ADGRV1: variants seen among roughly 807,000 people sequenced by gnomAD.
The protein encoded by ADGRV1 is adhesion G protein-coupled receptor V1.
A neutral mutation model predicts 596.2 loss-of-function variants in ADGRV1; 359 were observed. The observed-to-expected ratio is 0.60, with a 90% CI of 0.55 to 0.66. The LOEUF (loss-of-function observed/expected upper bound fraction) is 0.66. ADGRV1 is among the 30% of genes least tolerant of loss of function. The pLI is 0.00. For synonymous variants in ADGRV1, 2,681 were observed against 2,679.2 expected (o/e 1.00, Z -0.02); for missense variants, 7,274 against 7,575.6 (o/e 0.96, Z 1.48).
At chr5:90,712,914 G>A (rs1036606643) in intron 42 of ADGRV1, among the ~76,000 whole-genome samples, 1 of 152,062 alleles carries the variant, frequency 6.6e-6, no homozygotes, top group Non-Finnish European at 1.5e-5. Context: ...CGTAATTCTT[G>A]GTTGGAACAG....
chr5:90,829,982 CA>C (rs146088016), intron 77 of ADGRV1, among the ~76,000 whole-genome samples: 1,919 of 152,120 alleles, frequency 0.013, 42 homozygotes, highest in African/African-American at 0.044. Context: ...TTCAAGATTC[CA>C]AACCAGATGA....
At chr5:90,978,073 G>A (rs1562034680) in intron 84 of ADGRV1, among the ~76,000 whole-genome samples, 1 of 151,976 alleles carries the variant, frequency 6.6e-6, no homozygotes, top group Non-Finnish European at 1.5e-5. Flanking sequence ...GAGGTGGGGG[G>A]ATCATGAGGT....
intron 1 of ADGRV1, among the ~76,000 whole-genome samples, chr5:90,595,301 C>T (rs1760197970): frequency 1.7e-5 from 1 of 60,102 alleles, no homozygotes; most frequent in Admixed American, 1.4e-4. Context: ...CAGAGGCGCC[C>T]CTCACCTCCC....
At position 90,778,042 on chromosome 5, in the gene ADGRV1, AG is replaced by A; in HGVS notation, c.12666+1del. 1 of 1,560,248 alleles carries A rather than the reference AG, an allele frequency of 6.4e-7. No homozygotes were observed. The highest frequency in any genetic ancestry group is 8.7e-7 in the Non-Finnish European group (1 of 1,150,638). On this transcript the variant is annotated frameshift_variant and splice_region_variant, in exon 62 of 90. Coordinates refer to ENST00000405460, the MANE Select transcript of ADGRV1 (RefSeq NM_032119.4). LOFTEE classifies it high-confidence loss of function. ...DEQSAVIVVI[Q>X]ALNDDIPEEK... ...CAGTCTGCAGTCATTGTAGTAATAC[AG>A]GTATCAATATTAGCTGGTTTCTTTT...
In ADGRV1 at chr5:90,688,786, T is replaced by TA. The variant is rs144836480; in HGVS notation, c.6491-1075_6491-1074insA. Among the ~76,000 whole-genome samples, 1,099 of 152,348 alleles carry TA rather than the reference T, an allele frequency of 7.2e-3. 15 individuals are homozygous for TA. The highest frequency in any genetic ancestry group is 0.026 in the African/African-American group (1,061 of 41,586). On this transcript the variant is annotated intron_variant, in intron 29 of 89. Transcript: ENST00000405460. The stretch of plus-strand genomic sequence containing the variant: ...TTTCTCTGAGTGTACTCCTCATTTT[T>TA]GAAAGGGATTCACTTGTAAATGACT...
intron 83 of ADGRV1, among the ~76,000 whole-genome samples, chr5:90,949,050 T>TA (rs373576862): frequency 2.6e-5 from 4 of 151,866 alleles, no homozygotes; most frequent in South Asian, 2.1e-4. Flanking sequence ...TATACGACAA[T>TA]AAAAAAAGTG....
chr5:90,772,152 A>G (rs908574151), intron 59 of ADGRV1, among the ~76,000 whole-genome samples: 3 of 152,166 alleles, frequency 2.0e-5, no homozygotes, highest in African/African-American at 7.2e-5. Flanking sequence ...ACAGTAGCCA[A>G]TCCTTATCAT....
chr5:90,916,784 C>T (rs1773413653), intron 83 of ADGRV1, among the ~76,000 whole-genome samples: 2 of 145,012 alleles, frequency 1.4e-5, no homozygotes, highest in South Asian at 2.3e-4. Flanking sequence ...AGGCGCCCGC[C>T]ACTACGCCCG....
intron 21 of ADGRV1, among the ~76,000 whole-genome samples, chr5:90,668,618 T>G (rs961822145): frequency 5.3e-5 from 8 of 152,124 alleles, no homozygotes; most frequent in Middle Eastern, 3.4e-3. Flanking sequence ...TTCCTATTCG[T>G]CCATCTTGGC....
Position 90,615,024 on chromosome 5 carries a change from G to T in ADGRV1, c.207+5G>T. On this transcript the variant is annotated splice_donor_5th_base_variant and intron_variant, in intron 2 of 89. Transcript: ENST00000405460. The stretch of plus-strand genomic sequence containing the variant: ...AATGTTACTGCAATTGTATCGGTAA[G>T]AAATTATTATAGCTCTATTTTTACT... The T allele has an allele frequency of 7.1e-7, 1 of 1,402,036 alleles. No homozygotes were observed. The highest frequency in any genetic ancestry group is 2.6e-5 in the East Asian group (1 of 39,180). The allele number at this position is 1,402,036 out of a possible 1,614,324, so 86.8% of individuals were successfully genotyped here. A position where few individuals can be genotyped will look rare whatever the true frequency, so the allele number is the denominator to read the frequency against.
In ADGRV1 at chr5:90,881,760, T is replaced by A. The variant is rs189523162; in HGVS notation, c.17856+17903T>A. ...AAAAAAAAAATACAAGATCTTGCTC[T>A]ATTGGTCAGGCTGGAGTGCAGTGGT... On this transcript the variant is annotated intron_variant, in intron 83 of 89. Coordinates refer to ENST00000405460, the MANE Select transcript of ADGRV1 (RefSeq NM_032119.4). Among the ~76,000 whole-genome samples the A allele has an allele frequency of 3.0e-3, 453 of 152,300 alleles. 1 individual carries two copies. Among genetic ancestry groups the A allele is most frequent in the African/African-American group, 9.4e-3 (390 of 41,574 alleles).
At position 90,829,170 on chromosome 5, in the gene ADGRV1, T is replaced by C. The variant is rs766920856; in HGVS notation, c.16595T>C (p.Val5532Ala). Residue 5532 changes from valine to alanine, a missense_variant, in exon 77 of 90, where the codon GTT becomes GCT. By Grantham distance (64) the Val-to-Ala change is moderately conservative. This residue lies in a region of ADGRV1 where 1,874 missense variants were observed against 1,970.2 expected (regional missense o/e 0.95). Coordinates refer to ENST00000405460, the MANE Select transcript of ADGRV1 (RefSeq NM_032119.4). The part of the protein sequence containing the change: ...RDSGTGLMMS[V>A]NFSTQELRSA... ...TCTGGGACAGGACTAATGATGTCTG[T>C]TAACTTTAGTACCCAGGTAAGCATG... 1 of 1,542,076 alleles carries C rather than the reference T, an allele frequency of 6.5e-7. No individual in the cohort carries two copies. Among genetic ancestry groups the C allele is most frequent in the Non-Finnish European group, 8.8e-7 (1 of 1,135,992 alleles).
chr5:90,652,228 C>T lies in ADGRV1; in HGVS notation c.3417-118C>T, dbSNP rs758740778. ...TTCTTCATAGTTTGCCTCGTAGAAC[C>T]AGCTGGTTTGTTTCTTTTAAGACAA... On this transcript the variant is annotated intron_variant, in intron 18 of 89. Coordinates refer to ENST00000405460, the MANE Select transcript of ADGRV1 (RefSeq NM_032119.4). The T allele has an allele frequency of 4.8e-6, 3 of 619,060 alleles. No homozygotes were observed. The African/African-American group carries it at 5.7e-5, about 12-fold the overall frequency. 38.3% of individuals were successfully genotyped at this position (619,060 alleles called of 1,614,324 possible).
At chr5:90,562,201 A>G (rs1320449936) in intron 1 of ADGRV1, among the ~76,000 whole-genome samples, 1 of 152,160 alleles carries the variant, frequency 6.6e-6, no homozygotes, top group Non-Finnish European at 1.5e-5. Context: ...GTAAATAAAG[A>G]TATTTGTTGA....
intron 85 of ADGRV1, among the ~76,000 whole-genome samples, chr5:90,989,267 A>G (rs747969150): frequency 6.6e-6 from 1 of 152,182 alleles, no homozygotes; most frequent in Non-Finnish European, 1.5e-5. Flanking sequence ...ACAGTGTAAA[A>G]GTGTTCCTAT....
intron 75 of ADGRV1, among the ~76,000 whole-genome samples, chr5:90,817,751 C>T (rs1335753384): frequency 6.6e-6 from 1 of 152,130 alleles, no homozygotes; most frequent in Non-Finnish European, 1.5e-5. Flanking sequence ...TCTGAGGGCT[C>T]TGTTCTGTTC....
At chr5:91,012,640 G>A (rs1261947111) in intron 85 of ADGRV1, among the ~76,000 whole-genome samples, 4 of 151,864 alleles carry the variant, frequency 2.6e-5, no homozygotes, top group African/African-American at 9.7e-5. Context: ...AAAACAAAAA[G>A]CAGTTTTCTC....
intron 89 of ADGRV1, among the ~76,000 whole-genome samples, chr5:91,154,788 G>A (rs1294540412): frequency 1.3e-5 from 2 of 152,146 alleles, no homozygotes; most frequent in Non-Finnish European, 1.5e-5. Flanking sequence ...GGGCAAGCAG[G>A]GGAAATGCCA....
intron 83 of ADGRV1, among the ~76,000 whole-genome samples, chr5:90,928,902 C>CA (rs1473009009): frequency 4.2e-5 from 6 of 144,504 alleles, no homozygotes; most frequent in African/African-American, 1.5e-4. Context: ...TGTGAGGTGT[C>CA]AGTGTGCCCC....
Sources: allele counts gnomAD v4.1 joint callset (sites outside exome capture counted in the v4.1 genomes callset), GRCh38; gene constraint gnomAD v4.1.1; regional missense constraint gnomAD v4.1.1; transcripts MANE v1.5; gene names NCBI Gene and HGNC (gene_info 2026-07-23, HGNC 2026-07-21).